The following TMEM135 variants were observed in gnomAD, a reference collection of about 807,000 sequenced individuals.
TMEM135 encodes the protein transmembrane protein 135, also known as peroxisomal membrane protein 52.
In TMEM135, 30 loss-of-function variants were observed where a neutral mutation model predicts 60.3. The ratio of observed to expected loss-of-function variants is 0.50; its 90% CI spans 0.37 to 0.68. TMEM135 has a LOEUF of 0.68. Among genes scored for constraint, TMEM135 ranks in the 30% least tolerant of loss-of-function variants. TMEM135 has a pLI of 0.00. For missense variants in TMEM135, 468 were observed against 548.8 expected (o/e 0.85, Z 1.47); for synonymous variants, 190 against 186.7 (o/e 1.02, Z -0.14).
intron 5 of TMEM135, among the ~76,000 whole-genome samples, chr11:87,192,947 T>G (rs1418559614): frequency 6.6e-6 from 1 of 152,070 alleles, no homozygotes; most frequent in African/African-American, 2.4e-5. Context: ...AAACCCCGTC[T>G]CTACTAAAAA....
rs1463057102 is a variant in TMEM135 at position 87,327,185 on chromosome 11, T to TA, written c.*5854dup. 4.4e-6 allele frequency: 2 copies of TA among 453,946 alleles called. No individual in the cohort carries two copies. The highest frequency in any genetic ancestry group is 8.8e-6 in the Non-Finnish European group (2 of 226,798). 28.1% of individuals were successfully genotyped at this position (453,946 alleles called of 1,614,324 possible). A position where few individuals can be genotyped will look rare whatever the true frequency, so the allele number is the denominator to read the frequency against. ...TGACCCTGTTTTGGCCAATAAAATG[T>TA]AATGGAAAATCTGGGAAACACTTGG... On this transcript the variant is annotated 3_prime_UTR_variant, in exon 15 of 15. Transcript: ENST00000305494.
chr11:87,186,251 G>A (rs1939650596), intron 5 of TMEM135, among the ~76,000 whole-genome samples: 1 of 152,042 alleles, frequency 6.6e-6, no homozygotes, highest in Non-Finnish European at 1.5e-5. Context: ...TTGGCCAGTG[G>A]AAACCTCTAC....
intron 1 of TMEM135, among the ~76,000 whole-genome samples, chr11:87,049,506 G>T (rs1949822877): frequency 8.1e-6 from 1 of 123,708 alleles, no homozygotes; most frequent in Non-Finnish European, 1.7e-5. Context: ...AAAAGGCAGG[G>T]GTTGCAATCC....
intron 4 of TMEM135, among the ~76,000 whole-genome samples, chr11:87,125,741 A>C (rs1006127267): frequency 2.0e-5 from 3 of 152,176 alleles, no homozygotes; most frequent in African/African-American, 7.2e-5. Context: ...CTGATTTGGG[A>C]AGAAGTAATT....
chr11:87,152,574 G>A (rs1178292284), intron 4 of TMEM135, among the ~76,000 whole-genome samples: 1 of 152,148 alleles, frequency 6.6e-6, no homozygotes, highest in Non-Finnish European at 1.5e-5. Flanking sequence ...AAGCAGCTGG[G>A]ATTACAGGCA....
chr11:87,260,477 G>T (rs1278238874), intron 6 of TMEM135, among the ~76,000 whole-genome samples: 1 of 152,124 alleles, frequency 6.6e-6, no homozygotes, highest in Non-Finnish European at 1.5e-5. Flanking sequence ...TTACTTGAAT[G>T]CTAAGAAGTC....
intron 5 of TMEM135, among the ~76,000 whole-genome samples, chr11:87,235,284 AG>A (rs1214827396): frequency 2.0e-5 from 3 of 151,760 alleles, no homozygotes; most frequent in Non-Finnish European, 2.9e-5. Flanking sequence ...GGAGAGAGGA[AG>A]GAAGGAGGGA....
intron 8 of TMEM135, among the ~76,000 whole-genome samples, chr11:87,302,929 A>C (rs1299888338): frequency 6.6e-6 from 1 of 152,252 alleles, no homozygotes. Context: ...ATCATGTTTC[A>C]TACAAATTTT....
chr11:87,318,124 G>A lies in TMEM135; in HGVS notation c.1078-13G>A, dbSNP rs778764034. The A allele has an allele frequency of 8.1e-6, 13 of 1,602,258 alleles. No individual in the cohort carries two copies. The highest frequency in any genetic ancestry group is 1.1e-5 in the Non-Finnish European group (13 of 1,170,728). On this transcript the variant is annotated splice_polypyrimidine_tract_variant and intron_variant, in intron 12 of 14. Coordinates refer to ENST00000305494, the MANE Select transcript of TMEM135 (RefSeq NM_022918.4). ...TTTTTCTTTATAACTCTTGTCTTAT[G>A]CTTGTTTTGCAGACAATGTATTTCA...
chr11:87,322,718 A>T lies in TMEM135; in HGVS notation c.*1385A>T. The T allele has an allele frequency of 2.2e-6, 1 of 454,068 alleles. No homozygotes were observed. Among genetic ancestry groups the T allele is most frequent in the South Asian group, 1.6e-5 (1 of 64,474 alleles). 28.1% of individuals were successfully genotyped at this position (454,068 alleles called of 1,614,324 possible). A position where few individuals can be genotyped will look rare whatever the true frequency, so the allele number is the denominator to read the frequency against. On this transcript the variant is annotated 3_prime_UTR_variant, in exon 15 of 15. Transcript: ENST00000305494. The stretch of plus-strand genomic sequence containing the variant: ...TGCTTAATCCCTCATATTCAATTTC[A>T]TCAAGCCTTGTATACTTCTGCTTAA...
chr11:87,157,478 T>A (rs957467160), intron 5 of TMEM135, 72 bp downstream of exon 5: 2 of 1,260,288 alleles, frequency 1.6e-6, no homozygotes, highest in African/African-American at 3.0e-5. Context: ...TAAAATGTGA[T>A]GAAATCTATG....
At chr11:87,183,986 A>G (rs1382432233) in intron 5 of TMEM135, among the ~76,000 whole-genome samples, 2 of 147,766 alleles carry the variant, frequency 1.4e-5, no homozygotes, top group South Asian at 2.1e-4. Flanking sequence ...AAAATCCGAG[A>G]GTTAAACGAA....
At chr11:87,273,432 C>A (rs1941907269) in intron 6 of TMEM135, among the ~76,000 whole-genome samples, 1 of 152,028 alleles carries the variant, frequency 6.6e-6, no homozygotes, top group Admixed American at 6.6e-5. Context: ...TCATTTTGAT[C>A]TTTTCTTTCC....
At chr11:87,266,576 AATTTATCCC>A (rs1941752174) in intron 6 of TMEM135, among the ~76,000 whole-genome samples, 1 of 152,124 alleles carries the variant, frequency 6.6e-6, no homozygotes, top group East Asian at 1.9e-4. Flanking sequence ...CATTGTAAAT[AATTTATCCC>A]ATGCTTATAG....
At chr11:87,283,452 A>C (rs1942105627) in intron 6 of TMEM135, among the ~76,000 whole-genome samples, 3 of 152,244 alleles carry the variant, frequency 2.0e-5, no homozygotes, top group African/African-American at 7.2e-5. Context: ...AATAAGCATA[A>C]ATTTATGAAA....
chr11:87,160,998 CA>C (rs1938856305), intron 5 of TMEM135, among the ~76,000 whole-genome samples: 1 of 152,148 alleles, frequency 6.6e-6, no homozygotes. Context: ...CTCCCAGGTT[CA>C]AGTGATTCTC....
At chr11:87,313,983 G>A (rs1353599308) in intron 11 of TMEM135, among the ~76,000 whole-genome samples, 3 of 151,674 alleles carry the variant, frequency 2.0e-5, no homozygotes, top group Non-Finnish European at 4.4e-5. Context: ...AATAACCTTA[G>A]TTATTAGTAT....
At chr11:87,145,619 T>C (rs1938392786) in intron 4 of TMEM135, among the ~76,000 whole-genome samples, 1 of 152,196 alleles carries the variant, frequency 6.6e-6, no homozygotes, top group Non-Finnish European at 1.5e-5. Flanking sequence ...ATGAAAGCCA[T>C]TCTGACAGGT....
intron 4 of TMEM135, among the ~76,000 whole-genome samples, chr11:87,127,659 T>A (rs150762652): frequency 6.6e-6 from 1 of 152,334 alleles, no homozygotes; most frequent in Non-Finnish European, 1.5e-5. Flanking sequence ...AAGAGGCCAG[T>A]TAAAGACAAC....
Sources: allele counts gnomAD v4.1 joint callset (sites outside exome capture counted in the v4.1 genomes callset), GRCh38; gene constraint gnomAD v4.1.1; transcripts MANE v1.5; gene names NCBI Gene and HGNC (gene_info 2026-07-23, HGNC 2026-07-21).